The following PHACTR3 variants were observed in gnomAD, a reference collection of about 807,000 sequenced individuals.
The protein encoded by PHACTR3 is phosphatase and actin regulator 3.
PHACTR3 carries 16 observed loss-of-function variants against 66.8 expected under a neutral mutation model. The ratio of observed to expected loss-of-function variants is 0.24; its 90% CI spans 0.16 to 0.36. PHACTR3 has a LOEUF of 0.36. PHACTR3 is among the 10% of genes least tolerant of loss of function. The probability of loss-of-function intolerance (pLI) is 1.00; values close to 1 mark genes in which losing one functional copy is unlikely to be tolerated. For missense variants in PHACTR3, 647 were observed against 719.9 expected, an observed-to-expected ratio of 0.90 and a Z score of 1.16; for synonymous variants, 323 against 292.1, an observed-to-expected ratio of 1.11 and a Z score of -1.08.
chr20:59,746,901 G>A (rs2039392033), intron 2 of PHACTR3, among the ~76,000 whole-genome samples: 1 of 152,214 alleles, frequency 6.6e-6, no homozygotes, highest in Non-Finnish European at 1.5e-5. Context: ...GGGAAAGGCG[G>A]GGAAATCATC....
chr20:59,754,616 A>G (rs555560163), intron 3 of PHACTR3, among the ~76,000 whole-genome samples: 1 of 152,234 alleles, frequency 6.6e-6, no homozygotes, highest in Non-Finnish European at 1.5e-5. Flanking sequence ...CTCTGCAGCC[A>G]TGACAACCCC....
At chr20:59,628,651 T>C (rs1204046337) in intron 1 of PHACTR3, 1 of 985,272 alleles carries the variant, frequency 1.0e-6, no homozygotes, top group African/African-American at 1.7e-5. Flanking sequence ...GATCAGTTCA[T>C]TCTCCTGACT....
intron 1 of PHACTR3, among the ~76,000 whole-genome samples, chr20:59,613,045 G>A (rs916099679): frequency 5.9e-5 from 9 of 152,012 alleles, no homozygotes; most frequent in Non-Finnish European, 1.0e-4. Context: ...TGAGGAATCC[G>A]CCCCCATGAT....
Position 59,722,750 on chromosome 20 carries a change from C to T in PHACTR3, c.119-20357C>T, listed in dbSNP as rs565173178. Among the ~76,000 whole-genome samples the T allele has an allele frequency of 3.8e-4, 57 of 151,906 alleles. No homozygotes were observed. In the East Asian group the frequency reaches 4.9e-3, roughly 13 times the overall value. On this transcript the variant is annotated intron_variant, in intron 1 of 12. Coordinates refer to ENST00000371015, the MANE Select transcript of PHACTR3 (RefSeq NM_080672.5). ...GAGTGGGCTTGAGGGGCAGCCATGG[C>T]GGAAGAGGAGCCCTCAGGGGTTTGG... is the stretch of plus-strand genomic sequence containing the variant.
chr20:59,760,131 G>T (rs2039947170), intron 4 of PHACTR3, among the ~76,000 whole-genome samples: 1 of 152,144 alleles, frequency 6.6e-6, no homozygotes, highest in Admixed American at 6.5e-5. Flanking sequence ...CATCCAGGTG[G>T]CAACATCCAG....
At chr20:59,609,452 C>T (rs868643210) in intron 1 of PHACTR3, among the ~76,000 whole-genome samples, 8 of 152,018 alleles carry the variant, frequency 5.3e-5, no homozygotes, top group Admixed American at 5.2e-4. Flanking sequence ...CTGGAGCCCA[C>T]CCCACTTGTT....
chr20:59,711,864 C>G (rs965329516), intron 1 of PHACTR3, among the ~76,000 whole-genome samples: 2 of 152,024 alleles, frequency 1.3e-5, no homozygotes, highest in African/African-American at 4.8e-5. Context: ...AAGTTGTTTA[C>G]TGCTATATTT....
intron 3 of PHACTR3, among the ~76,000 whole-genome samples, chr20:59,749,488 C>T (rs1008282380): frequency 1.3e-5 from 2 of 152,240 alleles, no homozygotes; most frequent in African/African-American, 2.4e-5. Context: ...AATGCTTGGC[C>T]GCGGCCAGGC....
chr20:59,735,910 G>C (rs1342932770), intron 1 of PHACTR3, among the ~76,000 whole-genome samples: 1 of 152,308 alleles, frequency 6.6e-6, no homozygotes, highest in East Asian at 1.9e-4. Flanking sequence ...AAATTAGCCT[G>C]TAAGCTCCAT....
intron 1 of PHACTR3, among the ~76,000 whole-genome samples, chr20:59,692,084 C>A (rs529081926): frequency 5.8e-4 from 89 of 152,290 alleles, no homozygotes; most frequent in African/African-American, 2.0e-3. Context: ...CGCAATGTAG[C>A]CAACACCACT....
chr20:59,614,966 C>A (rs77285532), intron 1 of PHACTR3, among the ~76,000 whole-genome samples: 1 of 152,068 alleles, frequency 6.6e-6, no homozygotes, highest in Non-Finnish European at 1.5e-5. Flanking sequence ...TTGTGCAAAG[C>A]TTCTGAGATC....
At chr20:59,842,552 G>C (rs892885801) in intron 11 of PHACTR3, among the ~76,000 whole-genome samples, 2 of 152,128 alleles carry the variant, frequency 1.3e-5, no homozygotes, top group Non-Finnish European at 2.9e-5. Flanking sequence ...TTGTCCCAGA[G>C]GCTGTGTTTG....
chr20:59,758,292 A>T (rs1045827900), intron 4 of PHACTR3, among the ~76,000 whole-genome samples: 1 of 152,260 alleles, frequency 6.6e-6, no homozygotes, highest in African/African-American at 2.4e-5. Flanking sequence ...TTAAACATTA[A>T]TAATGAAAAT....
chr20:59,790,915 C>G (rs2041071734), intron 7 of PHACTR3, among the ~76,000 whole-genome samples: 1 of 152,106 alleles, frequency 6.6e-6, no homozygotes, highest in Non-Finnish European at 1.5e-5. Flanking sequence ...AGGAAGAGAA[C>G]ATAGTTCTTT....
intron 7 of PHACTR3, among the ~76,000 whole-genome samples, chr20:59,791,203 G>A (rs2041083232): frequency 6.6e-6 from 1 of 152,080 alleles, no homozygotes; most frequent in Non-Finnish European, 1.5e-5. Context: ...GATTAATGCT[G>A]GTATAAAAGA....
intron 1 of PHACTR3, among the ~76,000 whole-genome samples, chr20:59,635,143 C>CTTTCTT (rs1384888750): frequency 4.5e-5 from 3 of 66,268 alleles, no homozygotes; most frequent in African/African-American, 1.8e-4. Flanking sequence ...TTCTTTCTTT[C>CTTTCTT]TTTCTTTTTC....
intron 1 of PHACTR3, among the ~76,000 whole-genome samples, chr20:59,658,058 C>T (rs2035680941): frequency 6.6e-6 from 1 of 152,030 alleles, no homozygotes; most frequent in Non-Finnish European, 1.5e-5. Flanking sequence ...TTCAATGATT[C>T]TTTTTTCTAC....
At chr20:59,618,903 CGGAGAGA>C (rs2034132407) in intron 1 of PHACTR3, among the ~76,000 whole-genome samples, 3 of 152,162 alleles carry the variant, frequency 2.0e-5, no homozygotes, top group Admixed American at 2.0e-4. Flanking sequence ...GCAGGATACT[CGGAGAGA>C]TTGCCTGGGG....
At chr20:59,660,962 A>T (rs2035785834) in intron 1 of PHACTR3, among the ~76,000 whole-genome samples, 1 of 152,332 alleles carries the variant, frequency 6.6e-6, no homozygotes, top group African/African-American at 2.4e-5. Flanking sequence ...GTTTTTCCAT[A>T]ATTCTGAGGG....
Sources: allele counts gnomAD v4.1 joint callset (sites outside exome capture counted in the v4.1 genomes callset), GRCh38; gene constraint gnomAD v4.1.1; transcripts MANE v1.5; gene names NCBI Gene and HGNC (gene_info 2026-07-23, HGNC 2026-07-21).